ARHGAP44: variants seen among roughly 807,000 people sequenced by gnomAD.
ARHGAP44 encodes Rho GTPase activating protein 44, also known as rho GTPase-activating protein 44.
A neutral mutation model predicts 106.8 loss-of-function variants in ARHGAP44; 43 were observed. That is an observed-to-expected ratio of 0.40 (90% confidence interval 0.32 to 0.52). ARHGAP44 has a LOEUF of 0.52. Ranked by LOEUF, ARHGAP44 falls within the 20% of genes least tolerant of loss-of-function variation. ARHGAP44 has a pLI of 0.48. For synonymous variants in ARHGAP44, 439 were observed against 410.3 expected (o/e 1.07, Z -0.85); for missense variants, 866 against 1,050.5 (o/e 0.82, Z 2.43).
chr17:12,827,540 G>A (rs866350969), intron 1 of ARHGAP44, among the ~76,000 whole-genome samples: 1 of 151,858 alleles, frequency 6.6e-6, no homozygotes, highest in South Asian at 2.1e-4. Flanking sequence ...TATAATGATG[G>A]AATAGTAATA....
chr17:12,939,956 G>A (rs958801935), intron 7 of ARHGAP44, among the ~76,000 whole-genome samples: 4 of 152,314 alleles, frequency 2.6e-5, no homozygotes, highest in East Asian at 1.9e-4. Context: ...CACAGATACT[G>A]AAAATGAAAC....
intron 6 of ARHGAP44, among the ~76,000 whole-genome samples, chr17:12,925,633 C>T (rs2150962065): frequency 6.6e-6 from 1 of 152,154 alleles, no homozygotes; most frequent in East Asian, 1.9e-4. Flanking sequence ...AGCTTGTGTC[C>T]CATCTTCATC....
intron 1 of ARHGAP44, among the ~76,000 whole-genome samples, chr17:12,809,185 C>T (rs952907997): frequency 6.6e-6 from 1 of 152,196 alleles, no homozygotes; most frequent in Admixed American, 6.5e-5. Context: ...TAGGAAGTTC[C>T]AAACTTTCCC....
intron 1 of ARHGAP44, among the ~76,000 whole-genome samples, chr17:12,804,008 T>G (rs2034197641): frequency 1.3e-5 from 2 of 152,184 alleles, no homozygotes; most frequent in African/African-American, 4.8e-5. Context: ...AAGGGAACTT[T>G]TATTCCAGGA....
chr17:12,987,021 C>CTT (rs3076704), intron 20 of ARHGAP44: 1,942 of 924,680 alleles, frequency 2.1e-3, no homozygotes, highest in South Asian at 3.9e-3. Context: ...ATTGGCATAG[C>CTT]TTTTTTTTTT....
chr17:12,898,914 G>A (rs969436568), intron 3 of ARHGAP44, among the ~76,000 whole-genome samples: 3 of 152,140 alleles, frequency 2.0e-5, no homozygotes, highest in Admixed American at 6.5e-5. Context: ...CGCAGTGGAA[G>A]TAGGTGCCCA....
intron 1 of ARHGAP44, among the ~76,000 whole-genome samples, chr17:12,892,037 G>T (rs1018155094): frequency 3.3e-5 from 5 of 152,158 alleles, no homozygotes; most frequent in Non-Finnish European, 7.3e-5. Flanking sequence ...TGATCCACCC[G>T]CCTTGGCATC....
chr17:12,851,560 T>C (rs1048015464), intron 1 of ARHGAP44, among the ~76,000 whole-genome samples: 1 of 151,960 alleles, frequency 6.6e-6, no homozygotes, highest in South Asian at 2.1e-4. Flanking sequence ...CTCCGTCCGG[T>C]TGTAGCTGGG....
At chr17:12,910,059 A>G (rs2037678504) in intron 4 of ARHGAP44, among the ~76,000 whole-genome samples, 1 of 152,196 alleles carries the variant, frequency 6.6e-6, no homozygotes, top group Admixed American at 6.5e-5. Context: ...CGAAAATGTA[A>G]GAAACCTAGT....
At chr17:12,987,668 T>C (rs2039994369) in intron 20 of ARHGAP44, 1 of 152,314 alleles carries the variant, frequency 6.6e-6, no homozygotes, top group Admixed American at 6.5e-5. Flanking sequence ...CACCAGCAGA[T>C]CTCCCCTTCC....
At chr17:12,967,234 C>G (rs2039413590) in intron 16 of ARHGAP44, among the ~76,000 whole-genome samples, 1 of 144,948 alleles carries the variant, frequency 6.9e-6, no homozygotes, top group African/African-American at 2.6e-5. Context: ...AGATCCTGAT[C>G]CACAACTCTT....
chr17:12,946,037 G>A (rs2143030961), intron 10 of ARHGAP44, among the ~76,000 whole-genome samples: 1 of 152,288 alleles, frequency 6.6e-6, no homozygotes, highest in East Asian at 1.9e-4. Flanking sequence ...GAGATTATAG[G>A]CGTGAGCCAC....
intron 6 of ARHGAP44, among the ~76,000 whole-genome samples, chr17:12,920,233 G>C (rs1460913999): frequency 6.6e-6 from 1 of 151,052 alleles, no homozygotes; most frequent in Non-Finnish European, 1.5e-5. Flanking sequence ...AAAATTAGCC[G>C]GGCATGGTGG....
chr17:12,943,125 T>C (rs532868426), intron 8 of ARHGAP44, among the ~76,000 whole-genome samples: 33 of 152,372 alleles, frequency 2.2e-4, no homozygotes, highest in Non-Finnish European at 1.0e-4. Context: ...CAAGCTGGTC[T>C]TGAATTCCTG....
intron 1 of ARHGAP44, among the ~76,000 whole-genome samples, chr17:12,838,870 GTATATA>G (rs1028090568): frequency 6.6e-6 from 1 of 151,088 alleles, no homozygotes; most frequent in Non-Finnish European, 1.5e-5. Context: ...GTATATATAT[GTATATA>G]TATATATTTA....
chr17:12,935,190 A>C (rs999169202), intron 7 of ARHGAP44, among the ~76,000 whole-genome samples: 4 of 152,210 alleles, frequency 2.6e-5, no homozygotes, highest in Admixed American at 6.5e-5. Flanking sequence ...GATAATAATA[A>C]AATACTCAAA....
chr17:12,840,437 T>C (rs1293065593), intron 1 of ARHGAP44, among the ~76,000 whole-genome samples: 1 of 152,226 alleles, frequency 6.6e-6, no homozygotes, highest in Non-Finnish European at 1.5e-5. Context: ...TAAGCCACTC[T>C]TGTTTGCCAC....
At chr17:12,916,946 A>G (rs1335482951) in intron 5 of ARHGAP44, among the ~76,000 whole-genome samples, 3 of 152,196 alleles carry the variant, frequency 2.0e-5, no homozygotes, top group Non-Finnish European at 2.9e-5. Flanking sequence ...GAGCACCAAC[A>G]TGATTCTTAA....
At chr17:12,832,757 T>C (rs1261215279) in intron 1 of ARHGAP44, among the ~76,000 whole-genome samples, 1 of 152,222 alleles carries the variant, frequency 6.6e-6, no homozygotes, top group Non-Finnish European at 1.5e-5. Flanking sequence ...TTTTGCAAAG[T>C]CAGTTTCAAA....
Sources: allele counts gnomAD v4.1 joint callset (sites outside exome capture counted in the v4.1 genomes callset), GRCh38; gene constraint gnomAD v4.1.1; transcripts MANE v1.5; gene names NCBI Gene and HGNC (gene_info 2026-07-23, HGNC 2026-07-21).